ROR1: variants seen among roughly 807,000 people sequenced by gnomAD.
ROR1 encodes the protein inactive tyrosine-protein kinase transmembrane receptor ROR1.
Under a neutral mutation model 78.8 loss-of-function variants are expected in ROR1, and 19 were observed. The ratio of observed to expected loss-of-function variants is 0.24; its 90% CI spans 0.17 to 0.35. The LOEUF (loss-of-function observed/expected upper bound fraction) is 0.35, where lower values mean the gene tolerates loss of function less well. Among genes scored for constraint, ROR1 ranks in the 10% least tolerant of loss-of-function variants. The pLI is 1.00. For missense variants in ROR1, 917 were observed against 1,177.8 expected (o/e 0.78, Z 3.24); for synonymous variants, 386 against 433.6 (o/e 0.89, Z 1.36).
At chr1:64,116,368 T>A (rs1339919449) in intron 4 of ROR1, among the ~76,000 whole-genome samples, 6 of 152,196 alleles carry the variant, frequency 3.9e-5, no homozygotes, top group Non-Finnish European at 7.3e-5. Flanking sequence ...ATGTTAGATA[T>A]AAAGGAGGTT....
intron 1 of ROR1, among the ~76,000 whole-genome samples, chr1:64,004,475 C>T (rs1646412040): frequency 6.6e-6 from 1 of 152,164 alleles, no homozygotes; most frequent in Non-Finnish European, 1.5e-5. Context: ...CCAGTTATAA[C>T]ATTCTAGGAC....
chr1:64,020,050 G>A (rs1293005102), intron 2 of ROR1, among the ~76,000 whole-genome samples: 1 of 152,146 alleles, frequency 6.6e-6, no homozygotes. Context: ...GCTCAAGAAT[G>A]CCAGGGCCCT....
chr1:64,013,706 A>T (rs766546979), intron 2 of ROR1, among the ~76,000 whole-genome samples: 14 of 152,218 alleles, frequency 9.2e-5, no homozygotes, highest in Non-Finnish European at 5.9e-5. Context: ...AACCCCTTTG[A>T]CCATGACATC....
intron 8 of ROR1, among the ~76,000 whole-genome samples, chr1:64,162,753 T>G (rs1343773030): frequency 6.6e-6 from 1 of 152,228 alleles, no homozygotes; most frequent in Non-Finnish European, 1.5e-5. Context: ...TTTTCTATAT[T>G]GCATTACAAA....
intron 1 of ROR1, among the ~76,000 whole-genome samples, chr1:63,828,156 T>C (rs915660837): frequency 2.6e-5 from 4 of 152,190 alleles, no homozygotes; most frequent in African/African-American, 9.7e-5. Flanking sequence ...GTTGGTGGTC[T>C]TGGAGGAAAC....
chr1:64,006,685 G>A (rs909457724), intron 1 of ROR1, among the ~76,000 whole-genome samples: 2 of 152,186 alleles, frequency 1.3e-5, no homozygotes, highest in African/African-American at 4.8e-5. Flanking sequence ...CCCCTTGAAA[G>A]AGTCTATGCT....
At chr1:63,919,168 C>T (rs745705295) in intron 1 of ROR1, among the ~76,000 whole-genome samples, 9 of 152,076 alleles carry the variant, frequency 5.9e-5, no homozygotes, top group Non-Finnish European at 1.3e-4. Context: ...AAAAATGCCT[C>T]ATTTTTATTT....
chr1:63,814,675 T>G (rs1644878986), intron 1 of ROR1, among the ~76,000 whole-genome samples: 1 of 152,070 alleles, frequency 6.6e-6, no homozygotes, highest in African/African-American at 2.4e-5. Context: ...ACCTCGCATA[T>G]GCAGTTCACA....
chr1:63,777,444 G>C (rs959831666), intron 1 of ROR1, among the ~76,000 whole-genome samples: 3 of 152,138 alleles, frequency 2.0e-5, no homozygotes, highest in Non-Finnish European at 4.4e-5. Flanking sequence ...GGCTGGCTAG[G>C]GGGAGCCGAA....
At position 64,177,514 on chromosome 1, in the gene ROR1, T is replaced by A. The variant is rs776063163; in HGVS notation, c.1473T>A (p.His491Gln). The A allele has an allele frequency of 3.1e-6, 5 of 1,614,008 alleles. No homozygotes were observed. Among genetic ancestry groups the A allele is most frequent in the Non-Finnish European group, 4.2e-6 (5 of 1,180,024 alleles). Residue 491 changes from histidine (H) to glutamine (Q), a missense_variant, in exon 9 of 9, where the codon CAT (histidine) becomes CAA (glutamine). Transcript: ENST00000371079. Reference protein sequence around the residue: ...ECAFGKIYKGHLYLPGMDHAQ... With the variant: ...ECAFGKIYKGQLYLPGMDHAQ... ...CCTTTGGAAAAATCTATAAAGGCCA[T>A]CTCTATCTCCCAGGCATGGACCATG... is the stretch of plus-strand genomic sequence containing the variant.
intron 1 of ROR1, among the ~76,000 whole-genome samples, chr1:63,964,112 A>T: frequency 1.3e-5 from 2 of 152,320 alleles, no homozygotes; most frequent in Middle Eastern, 6.8e-3. Context: ...GTAAGATATG[A>T]TCATCCTTAT....
At chr1:64,140,014 T>G (rs1649247633) in intron 5 of ROR1, 95 bp from the exon 6 acceptor site, 8 of 1,152,708 alleles carry the variant, frequency 6.9e-6, no homozygotes, top group Non-Finnish European at 9.9e-6. Flanking sequence ...GGCGGATTCC[T>G]TGCAATGTGT....
intron 4 of ROR1, among the ~76,000 whole-genome samples, chr1:64,099,387 G>C (rs1017282499): frequency 6.6e-6 from 1 of 152,034 alleles, no homozygotes; most frequent in Non-Finnish European, 1.5e-5. Context: ...CAGTAAATAT[G>C]AATAGCTGCT....
intron 4 of ROR1, among the ~76,000 whole-genome samples, chr1:64,085,795 A>T (rs1647147791): frequency 6.6e-6 from 1 of 151,966 alleles, no homozygotes; most frequent in South Asian, 2.1e-4. Flanking sequence ...AAGTTGGGGG[A>T]GGGCAATAAT....
At chr1:63,775,556 T>A (rs1644611853) in intron 1 of ROR1, 1 of 152,212 alleles carries the variant, frequency 6.6e-6, no homozygotes, top group East Asian at 1.9e-4. Flanking sequence ...AGATCTCTGC[T>A]CTTTTATCAT....
chr1:63,862,007 A>T (rs1009046138), intron 1 of ROR1, among the ~76,000 whole-genome samples: 3 of 152,240 alleles, frequency 2.0e-5, no homozygotes, highest in Non-Finnish European at 4.4e-5. Context: ...AGCTTAAGCA[A>T]TAAATAATGG....
chr1:63,855,191 A>G (rs528888194), intron 1 of ROR1, among the ~76,000 whole-genome samples: 2 of 152,306 alleles, frequency 1.3e-5, no homozygotes, highest in South Asian at 4.1e-4. Context: ...CCCAACTTGA[A>G]GTAATCTGTT....
chr1:63,912,270 C>T (rs1645577128), intron 1 of ROR1, among the ~76,000 whole-genome samples: 1 of 150,190 alleles, frequency 6.7e-6, no homozygotes, highest in African/African-American at 2.4e-5. Flanking sequence ...TGTACTCCAG[C>T]CTGTTCAACA....
chr1:63,919,501 T>C (rs571186740), intron 1 of ROR1, among the ~76,000 whole-genome samples: 1 of 151,916 alleles, frequency 6.6e-6, no homozygotes, highest in African/African-American at 2.4e-5. Context: ...TTTTTTTTTT[T>C]TTTTGCACTA....
Sources: allele counts gnomAD v4.1 joint callset (sites outside exome capture counted in the v4.1 genomes callset), GRCh38; gene constraint gnomAD v4.1.1; transcripts MANE v1.5; gene names NCBI Gene and HGNC (gene_info 2026-07-23, HGNC 2026-07-21).